Variants in DAB1 observed in about 807,000 individuals in gnomAD.
The protein encoded by DAB1 is DAB adaptor protein 1.
Under a neutral mutation model 64.6 loss-of-function variants are expected in DAB1, and 15 were observed. The observed-to-expected ratio is 0.23, with a 90% CI of 0.16 to 0.36. The LOEUF (loss-of-function observed/expected upper bound fraction) is 0.36. Among genes scored for constraint, DAB1 ranks in the 10% least tolerant of loss-of-function variants. The pLI is 1.00. For missense variants in DAB1, 596 were observed against 706.7 expected (o/e 0.84, Z 1.78); for synonymous variants, 235 against 251.9 (o/e 0.93, Z 0.64).
chr1:57,154,800 T>C (rs1328664463), intron 2 of DAB1, among the ~76,000 whole-genome samples: 1 of 152,228 alleles, frequency 6.6e-6, no homozygotes, highest in Non-Finnish European at 1.5e-5. Flanking sequence ...ATCAATGACA[T>C]TGAGCACCTT....
At chr1:57,240,439 A>G (rs197628) in intron 2 of DAB1, among the ~76,000 whole-genome samples, 12,602 of 152,238 alleles carry the variant, frequency 0.083, 1,229 homozygotes, top group African/African-American at 0.23. Flanking sequence ...AACAGCTGAA[A>G]TATTAAGAAA....
intron 5 of DAB1, among the ~76,000 whole-genome samples, chr1:58,112,468 T>C (rs1557654861): frequency 1.3e-5 from 2 of 152,236 alleles, no homozygotes; most frequent in Non-Finnish European, 2.9e-5. Flanking sequence ...TTTTATACTC[T>C]TTCAACTCCC....
At chr1:57,821,007 C>G (rs546253103) in intron 6 of DAB1, among the ~76,000 whole-genome samples, 12 of 152,248 alleles carry the variant, frequency 7.9e-5, no homozygotes, top group Admixed American at 6.5e-4. Context: ...GCCTGGCCAA[C>G]ACTTTCCACA....
chr1:57,242,998 TACTC>T (rs1252780612), intron 2 of DAB1, among the ~76,000 whole-genome samples: 2 of 152,316 alleles, frequency 1.3e-5, no homozygotes, highest in African/African-American at 4.8e-5. Flanking sequence ...ACTTAGTAGA[TACTC>T]AATAAATACT....
chr1:58,406,631 C>T (rs572030860), intron 3 of DAB1, among the ~76,000 whole-genome samples: 1 of 152,318 alleles, frequency 6.6e-6, no homozygotes, highest in East Asian at 1.9e-4. Context: ...ACGTAGCCTT[C>T]AAGGTCAGTT....
At chr1:57,612,363 G>A (rs1645738690) in intron 7 of DAB1, among the ~76,000 whole-genome samples, 1 of 152,064 alleles carries the variant, frequency 6.6e-6, no homozygotes, top group South Asian at 2.1e-4. Context: ...AACGTACTTT[G>A]CAGATATGAT....
chr1:58,188,499 T>C (rs1026624234), intron 4 of DAB1, among the ~76,000 whole-genome samples: 1 of 152,204 alleles, frequency 6.6e-6, no homozygotes, highest in Non-Finnish European at 1.5e-5. Context: ...AATAGCATGT[T>C]CCTACTCTGA....
intron 7 of DAB1, among the ~76,000 whole-genome samples, chr1:57,472,795 T>C (rs1687188216): frequency 6.6e-6 from 1 of 152,222 alleles, no homozygotes; most frequent in Admixed American, 6.5e-5. Flanking sequence ...TGAGGAGTTT[T>C]GTCTGCAGCT....
chr1:57,762,947 G>A (rs187622089), intron 6 of DAB1, among the ~76,000 whole-genome samples: 19 of 152,324 alleles, frequency 1.2e-4, no homozygotes, highest in Non-Finnish European at 1.9e-4. Context: ...TGACGTAGAC[G>A]TCAGACATGC....
chr1:58,508,200 A>G (rs1646019677), intron 2 of DAB1, among the ~76,000 whole-genome samples: 2 of 152,188 alleles, frequency 1.3e-5, no homozygotes, highest in African/African-American at 4.8e-5. Flanking sequence ...TTTAATGTTA[A>G]GATAAGAGTG....
chr1:57,690,484 T>C (rs1421180647), intron 6 of DAB1, among the ~76,000 whole-genome samples: 1 of 152,178 alleles, frequency 6.6e-6, no homozygotes, highest in African/African-American at 2.4e-5. Context: ...ATCTAAGACA[T>C]GCCTGCTTTC....
chr1:57,319,125 G>A (rs999137773), intron 1 of DAB1, among the ~76,000 whole-genome samples: 1 of 152,184 alleles, frequency 6.6e-6, no homozygotes, highest in Non-Finnish European at 1.5e-5. Flanking sequence ...TGTCTTTTTA[G>A]AAGTGTTGCA....
chr1:58,114,457 C>T (rs1001129673), intron 5 of DAB1, among the ~76,000 whole-genome samples: 1 of 152,166 alleles, frequency 6.6e-6, no homozygotes, highest in Non-Finnish European at 1.5e-5. Context: ...ACATAACCAA[C>T]CCTGCATTCC....
intron 4 of DAB1, among the ~76,000 whole-genome samples, chr1:58,259,636 G>A (rs1299461980): frequency 6.6e-6 from 1 of 152,164 alleles, no homozygotes; most frequent in African/African-American, 2.4e-5. Flanking sequence ...TGTAGGGCCT[G>A]GCACAGAGAA....
intron 5 of DAB1, among the ~76,000 whole-genome samples, chr1:57,903,583 T>C (rs967464091): frequency 6.6e-6 from 1 of 152,146 alleles, no homozygotes; most frequent in African/African-American, 2.4e-5. Flanking sequence ...CTGACCTTTA[T>C]TCCCGATATT....
chr1:58,093,501 C>T (rs1196328637), intron 5 of DAB1, among the ~76,000 whole-genome samples: 1 of 151,838 alleles, frequency 6.6e-6, no homozygotes, highest in East Asian at 1.9e-4. Flanking sequence ...GTGAACTGCG[C>T]ATGTGAGGGA....
At chr1:57,576,321 T>C (rs993474093) in intron 7 of DAB1, among the ~76,000 whole-genome samples, 2 of 152,180 alleles carry the variant, frequency 1.3e-5, no homozygotes, top group Non-Finnish European at 2.9e-5. Context: ...CAACTTACTA[T>C]ACAATGGGCT....
At chr1:58,109,821 C>G (rs1651870986) in intron 5 of DAB1, among the ~76,000 whole-genome samples, 1 of 151,382 alleles carries the variant, frequency 6.6e-6, no homozygotes, top group Non-Finnish European at 1.5e-5. Context: ...CCTACTAGAT[C>G]TCCTGCAGAG....
chr1:58,188,277 G>A (rs971292809), intron 4 of DAB1, among the ~76,000 whole-genome samples: 2 of 152,120 alleles, frequency 1.3e-5, no homozygotes, highest in African/African-American at 4.8e-5. Flanking sequence ...GATCATACGC[G>A]GCTAGTATTC....
Sources: allele counts gnomAD v4.1 joint callset (sites outside exome capture counted in the v4.1 genomes callset), GRCh38; gene constraint gnomAD v4.1.1; transcripts MANE v1.5; gene names NCBI Gene and HGNC (gene_info 2026-07-23, HGNC 2026-07-21).